Variants in PTPRN2 observed in about 807,000 individuals in gnomAD.
PTPRN2 encodes the protein receptor-type tyrosine-protein phosphatase N2.
PTPRN2 carries 74 observed loss-of-function variants against 118.8 expected under a neutral mutation model. The observed-to-expected ratio is 0.62, with a 90% CI of 0.52 to 0.76. The LOEUF (loss-of-function observed/expected upper bound fraction) is 0.76. Among genes scored for constraint, PTPRN2 ranks in the 30% least tolerant of loss-of-function variants. The pLI, the probability that PTPRN2 is intolerant of heterozygous loss-of-function variation, is 0.00. For synonymous variants in PTPRN2, 641 were observed against 608.0 expected, an observed-to-expected ratio of 1.05 and a Z score of -0.80; for missense variants, 1,481 against 1,394.4, an observed-to-expected ratio of 1.06 and a Z score of -0.99.
At chr7:158,133,572 C>G (rs1411149631) in intron 9 of PTPRN2, 105 bp downstream of exon 9, 1 of 1,454,398 alleles carries the variant, frequency 6.9e-7, no homozygotes, top group Non-Finnish European at 9.1e-7. Context: ...GTTGAAGACA[C>G]TTAAAAGCGT....
At chr7:157,597,680 C>G (rs1245177385) in intron 16 of PTPRN2, among the ~76,000 whole-genome samples, 1 of 152,180 alleles carries the variant, frequency 6.6e-6, no homozygotes, top group East Asian at 1.9e-4. Context: ...AGTCCACACA[C>G]CCATCACCTG....
At chr7:157,751,902 C>T (rs907965672) in intron 12 of PTPRN2, among the ~76,000 whole-genome samples, 6 of 152,090 alleles carry the variant, frequency 3.9e-5, no homozygotes, top group African/African-American at 1.4e-4. Flanking sequence ...AACACATCTC[C>T]GCTTTTCGCT....
chr7:158,144,198 G>C (rs1819661262), intron 6 of PTPRN2, among the ~76,000 whole-genome samples: 1 of 152,186 alleles, frequency 6.6e-6, no homozygotes, highest in African/African-American at 2.4e-5. Context: ...GGCATTTCCA[G>C]TGAAAATGAA....
At position 157,977,559 on chromosome 7, in the gene PTPRN2, CAAGGCCCCAGGTGGGATGACGTGAG is replaced by C. The variant is rs1182397932; in HGVS notation, c.1724-78847_1724-78823del. 6.0e-5 allele frequency among the ~76,000 whole-genome samples: 9 copies of C among 150,448 alleles called. No individual in the cohort carries two copies. Among genetic ancestry groups the C allele is most frequent in the Non-Finnish European group, 8.9e-5 (6 of 67,708 alleles). ...GTGAGTGTGTTCATGGAGTAGTGTA[CAAGGCCCCAGGTGGGATGACGTGAG>C]AAGGCCCCAGGTGGGATGACGTGAG... On this transcript the variant is annotated intron_variant, in intron 11 of 22. Coordinates refer to ENST00000389418, the MANE Select transcript of PTPRN2 (RefSeq NM_002847.5). This position sits in a 1 kb window ranked among gnomAD's most constrained non-coding sequence, Gnocchi z 4.6.
At chr7:158,200,239 T>G (rs1015211996) in intron 4 of PTPRN2, among the ~76,000 whole-genome samples, 1 of 152,254 alleles carries the variant, frequency 6.6e-6, no homozygotes, top group South Asian at 2.1e-4. Context: ...CATGGATTAA[T>G]CAGGCAACAA....
chr7:158,381,858 G>A (rs1810987087), intron 2 of PTPRN2, among the ~76,000 whole-genome samples: 1 of 152,182 alleles, frequency 6.6e-6, no homozygotes, highest in Non-Finnish European at 1.5e-5. Flanking sequence ...GTAAGAGAGA[G>A]TTTGTGCAGA....
intron 5 of PTPRN2, among the ~76,000 whole-genome samples, chr7:158,169,922 C>A (rs1304769774): frequency 6.6e-6 from 1 of 151,994 alleles, no homozygotes; most frequent in Admixed American, 6.6e-5. Flanking sequence ...GAACTCCTGA[C>A]CTCAAGTGAT....
chr7:158,193,633 C>T (rs903581573), intron 4 of PTPRN2, among the ~76,000 whole-genome samples: 6 of 152,022 alleles, frequency 3.9e-5, no homozygotes, highest in Non-Finnish European at 8.8e-5. Flanking sequence ...GCCTGGGACA[C>T]GATGGGCATG....
At chr7:158,521,800 TGCTGGCTCGGGAGGGAGGTCC>T (rs1824102606) in intron 1 of PTPRN2, among the ~76,000 whole-genome samples, 2 of 64,652 alleles carry the variant, frequency 3.1e-5, no homozygotes, top group Non-Finnish European at 6.3e-5. Context: ...ACTGTCCAGG[TGCTGGCTCGGGAGGGAGGTCC>T]ACGTCACAAT....
Position 157,775,653 on chromosome 7 carries a change from G to A in PTPRN2, c.1789-92716C>T, listed in dbSNP as rs1047185014. Among the ~76,000 whole-genome samples the A allele has an allele frequency of 7.2e-5, 11 of 152,298 alleles. No homozygotes were observed. The East Asian group carries it at 7.7e-4, about 11-fold the overall frequency. ...AAGCCTGGGTGTGGGGCTGAGGCGG[G>A]CGCAGCCTCGGGGCAGTCCCCACAC... On this transcript the variant is annotated intron_variant, in intron 12 of 22. Transcript: ENST00000389418.
chr7:157,562,553 G>A (rs1285688661), intron 21 of PTPRN2, among the ~76,000 whole-genome samples: 1 of 152,204 alleles, frequency 6.6e-6, no homozygotes, highest in Admixed American at 6.5e-5. Context: ...GGAACAAGGC[G>A]GCTCTGGAGG....
chr7:158,524,450 CGG>C (rs1824605523), intron 1 of PTPRN2, among the ~76,000 whole-genome samples: 2 of 44,126 alleles, frequency 4.5e-5, no homozygotes, highest in African/African-American at 8.8e-5. Flanking sequence ...TACCCTGGAG[CGG>C]AGTCTGCCCT....
intron 12 of PTPRN2, among the ~76,000 whole-genome samples, chr7:157,696,350 C>T (rs1422242297): frequency 7.9e-6 from 1 of 126,552 alleles, no homozygotes; most frequent in Non-Finnish European, 1.6e-5. Flanking sequence ...TCACCATCTA[C>T]TCATGCATAC....
rs569231944 is a variant in PTPRN2 at position 158,489,673 on chromosome 7, G to A, written c.163+62C>T. ...AGCGGCGGGGCTCACCAGGCTGGGC[G>A]CTGCGCACGGCGGGCAGGAGAGGGG... On this transcript the variant is annotated intron_variant, in intron 2 of 22. Coordinates refer to ENST00000389418, the MANE Select transcript of PTPRN2 (RefSeq NM_002847.5). 4.7e-6 allele frequency: 7 copies of A among 1,497,592 alleles called. No homozygotes were observed. The African/African-American group carries it at 8.5e-5, about 18-fold the overall frequency. 92.8% of individuals were successfully genotyped at this position (1,497,592 alleles called of 1,614,324 possible).
At chr7:157,595,607 G>A (rs1313860852) in intron 16 of PTPRN2, among the ~76,000 whole-genome samples, 4 of 147,668 alleles carry the variant, frequency 2.7e-5, no homozygotes, top group East Asian at 2.0e-4. Flanking sequence ...TAGGAAGCCC[G>A]GAGGTTAGGA....
At chr7:157,859,985 G>A (rs1374810446) in intron 12 of PTPRN2, among the ~76,000 whole-genome samples, 4 of 141,518 alleles carry the variant, frequency 2.8e-5, no homozygotes, top group Non-Finnish European at 6.1e-5. Flanking sequence ...GAGAGCCCCG[G>A]CCACCACCCA....
At chr7:158,154,102 T>G (rs753591536) in intron 6 of PTPRN2, among the ~76,000 whole-genome samples, 1 of 152,192 alleles carries the variant, frequency 6.6e-6, no homozygotes, top group South Asian at 2.1e-4. Context: ...CTTGTGCCAG[T>G]GCAGGTGGGA....
In PTPRN2 at chr7:157,568,899, C is replaced by T; in HGVS notation, c.2902+3G>A. On this transcript the variant is annotated splice_donor_region_variant and intron_variant, in intron 21 of 22. Coordinates refer to ENST00000389418, the MANE Select transcript of PTPRN2 (RefSeq NM_002847.5). ...CAACAAAGCGGCAGTGTCTGTGTCT[C>T]ACCTTTGGCCATCTTGTTGAGAACC... 1 of 1,555,412 alleles carries T rather than the reference C, an allele frequency of 6.4e-7. No individual in the cohort carries two copies. The highest frequency in any genetic ancestry group is 8.9e-7 in the Non-Finnish European group (1 of 1,126,710).
Position 157,603,904 on chromosome 7 carries a change from TG to T in PTPRN2, c.2418+97del. 8.7e-7 allele frequency: 1 copy of T among 1,143,910 alleles called. No individual in the cohort carries two copies. Among genetic ancestry groups the T allele is most frequent in the Non-Finnish European group, 1.3e-6 (1 of 785,258 alleles). 70.9% of individuals were successfully genotyped at this position (1,143,910 alleles called of 1,614,324 possible). A position where few individuals can be genotyped will look rare whatever the true frequency, so the allele number is the denominator to read the frequency against. ...TCCACCGCAGAGACGCTGAGCTGGG[TG>T]GGGACGTGATTTCCCCCGAGAACCT... On this transcript the variant is annotated intron_variant, in intron 16 of 22. Transcript: ENST00000389418. The surrounding 1 kb of genome is among the most constrained non-coding windows in gnomAD (Gnocchi z 5.4).
Sources: gnomAD v4.1 joint callset for allele counts (sites outside exome capture counted in the v4.1 genomes callset) on GRCh38, gnomAD v4.1.1 for gene constraint, Gnocchi (gnomAD v3.1) non-coding constraint, MANE v1.5 for transcripts, NCBI Gene and HGNC (gene_info 2026-07-23, HGNC 2026-07-21) for gene names.